MLLT6: variants seen among roughly 807,000 people sequenced by gnomAD.
MLLT6 encodes MLLT6, PHD finger containing.
A neutral mutation model predicts 103.0 loss-of-function variants in MLLT6; 22 were observed. The observed-to-expected ratio is 0.21, with a 90% CI of 0.15 to 0.31. The LOEUF (loss-of-function observed/expected upper bound fraction) is 0.31, where lower values mean the gene tolerates loss of function less well. Among genes scored for constraint, MLLT6 ranks in the 10% least tolerant of loss-of-function variants. The probability of loss-of-function intolerance (pLI) is 1.00; values close to 1 mark genes in which losing one functional copy is unlikely to be tolerated. For synonymous variants in MLLT6, 606 were observed against 623.5 expected, an observed-to-expected ratio of 0.97 and a Z score of 0.42; for missense variants, 1,199 against 1,441.7, an observed-to-expected ratio of 0.83 and a Z score of 2.73.
chr17:38,713,326 C>G, intron 8 of MLLT6: 1 of 395,664 alleles, frequency 2.5e-6, no homozygotes, highest in Non-Finnish European at 4.5e-6. Flanking sequence ...GGCCTGTCTC[C>G]AGAAATGGGC....
At chr17:38,708,788 G>A (rs761168542) in intron 4 of MLLT6, among the ~76,000 whole-genome samples, 9 of 152,182 alleles carry the variant, frequency 5.9e-5, no homozygotes, top group Admixed American at 3.9e-4. Context: ...CCAGCTACTC[G>A]GGAGGTTGAG....
Position 38,705,316 on chromosome 17 carries a change from G to C in MLLT6, c.-317G>C, listed in dbSNP as rs1158351982. ...CGCCGGGCTCGGGCTACGCGGCGGC[G>C]GGGCGGCCCTAGGAGCCGGGCGAGC... On this transcript the variant is annotated 5_prime_UTR_variant, in exon 1 of 20. Transcript: ENST00000621332. Among the ~76,000 whole-genome samples, 1 of 147,924 alleles carries C rather than the reference G, an allele frequency of 6.8e-6. No homozygotes were observed. Among genetic ancestry groups the C allele is most frequent in the Non-Finnish European group, 1.5e-5 (1 of 66,418 alleles).
rs181452858 is a variant in MLLT6, at chr17:38,709,828, C to T, written c.552+253C>T. 6.6e-6 allele frequency among the ~76,000 whole-genome samples: 1 copy of T among 152,332 alleles called. No individual in the cohort carries two copies. Among genetic ancestry groups the T allele is most frequent in the Non-Finnish European group, 1.5e-5 (1 of 68,038 alleles). ...CTGCCTGTCAGAGTCTAGGAGGCTT[C>T]AAGGAAGAGGTAGCATTTAAGCTGA... On this transcript the variant is annotated intron_variant, in intron 6 of 19. Transcript: ENST00000621332. The surrounding 1 kb of genome is among the most constrained non-coding windows in gnomAD (Gnocchi z 4.3).
chr17:38,711,758 C>G (rs1905147718), intron 6 of MLLT6, 89 bp from the exon 7 acceptor site: 2 of 1,433,312 alleles, frequency 1.4e-6, no homozygotes, highest in African/African-American at 2.9e-5. Flanking sequence ...TGGGGCTGAC[C>G]CCCAGGATCA....
chr17:38,725,785 T>C lies in MLLT6; in HGVS notation c.*187T>C. The C allele has an allele frequency of 3.6e-6, 2 of 551,214 alleles. No individual in the cohort carries two copies. The highest frequency in any genetic ancestry group is 6.3e-6 in the Non-Finnish European group (2 of 318,128). 34.1% of individuals were successfully genotyped at this position (551,214 alleles called of 1,614,324 possible). A position where few individuals can be genotyped will look rare whatever the true frequency, so the allele number is the denominator to read the frequency against. On this transcript the variant is annotated 3_prime_UTR_variant, in exon 20 of 20. Transcript: ENST00000621332. ...GAGACTGAGAGGGGAGCCCCCTCCA[T>C]CTGGCCCCCTTCCCTTTCCGCACTG...
At chr17:38,713,063 G>C (rs779279862) in intron 8 of MLLT6, 1 of 771,300 alleles carries the variant, frequency 1.3e-6, no homozygotes, top group Non-Finnish European at 2.4e-6. Context: ...CTGGGCTCTT[G>C]TCTGCAGAGA....
intron 16 of MLLT6, among the ~76,000 whole-genome samples, chr17:38,721,309 C>T (rs1905721487): frequency 6.6e-6 from 1 of 152,300 alleles, no homozygotes; most frequent in South Asian, 2.1e-4. Context: ...GCATTAATTG[C>T]ACACTTGCCC....
intron 19 of MLLT6, 93 bp downstream of exon 19, chr17:38,725,069 G>A (rs1361369615): frequency 1.1e-5 from 11 of 962,930 alleles, no homozygotes; most frequent in Non-Finnish European, 1.7e-5. Flanking sequence ...CCTCAGCAGG[G>A]GGAAGGAAGC....
In MLLT6 at chr17:38,705,762, G is replaced by T. The variant is rs767799926; in HGVS notation, c.109+21G>T. ...CCAAGGTACGGGGGTGGCCCGCGGG[G>T]GGCGGCGGGACCCCGGGGGCGGCGT... On this transcript the variant is annotated intron_variant, in intron 1 of 19. Coordinates refer to ENST00000621332, the MANE Select transcript of MLLT6 (RefSeq NM_005937.4). 2.3e-6 allele frequency: 3 copies of T among 1,294,346 alleles called. No homozygotes were observed. The South Asian group carries it at 7.0e-5, about 30-fold the overall frequency. 80.2% of individuals were successfully genotyped at this position (1,294,346 alleles called of 1,614,324 possible).
At chr17:38,706,671 G>A in intron 1 of MLLT6, 1 of 339,178 alleles carries the variant, frequency 2.9e-6, no homozygotes. Flanking sequence ...AAGAAGCTGG[G>A]AAACAAGTCC....
rs1375966747 is a variant in MLLT6 at position 38,726,316 on chromosome 17, C to T, written c.*718C>T. On this transcript the variant is annotated 3_prime_UTR_variant, in exon 20 of 20. Transcript: ENST00000621332. The stretch of plus-strand genomic sequence containing the variant: ...TTTGCACTATTGGACTTAGGAGTGC[C>T]GAGGGTGGGGAGATGGAGCTGCCCG... 1.7e-5 allele frequency: 4 copies of T among 233,710 alleles called. No homozygotes were observed. Among genetic ancestry groups the T allele is most frequent in the Non-Finnish European group, 2.5e-5 (3 of 118,530 alleles). The allele number at this position is 233,710 out of a possible 1,614,324, so 14.5% of individuals were successfully genotyped here. A position where few individuals can be genotyped will look rare whatever the true frequency, so the allele number is the denominator to read the frequency against.
chr17:38,717,832 C>A lies in MLLT6; in HGVS notation c.1834-13C>A. 6.3e-7 allele frequency: 1 copy of A among 1,594,786 alleles called. No homozygotes were observed. Among genetic ancestry groups the A allele is most frequent in the Non-Finnish European group, 8.6e-7 (1 of 1,162,700 alleles). On this transcript the variant is annotated splice_polypyrimidine_tract_variant and intron_variant, in intron 11 of 19. Coordinates refer to ENST00000621332, the MANE Select transcript of MLLT6 (RefSeq NM_005937.4). The stretch of plus-strand genomic sequence containing the variant: ...AAGAATAACCGCCAGGGGATTCTAC[C>A]TCCCTCCCTTAGGTGTTTTCTCTGG...
rs1905838037 is a variant in MLLT6 at position 38,722,853 on chromosome 17, G to A, written c.2883+85G>A. On this transcript the variant is annotated intron_variant, in intron 18 of 19. Coordinates refer to ENST00000621332, the MANE Select transcript of MLLT6 (RefSeq NM_005937.4). The stretch of plus-strand genomic sequence containing the variant: ...CAGAGGATCAGGGCCAGCCAGGAGA[G>A]GGCAGGAGCAGGCAGAGTGAGGGGA... The A allele has an allele frequency of 3.8e-6, 4 of 1,048,968 alleles. No individual in the cohort carries two copies. The East Asian group carries it at 9.8e-5, about 26-fold the overall frequency. The allele number at this position is 1,048,968 out of a possible 1,614,324, so 65.0% of individuals were successfully genotyped here.
chr17:38,719,115 C>T (rs1192026480), intron 12 of MLLT6: 2 of 268,746 alleles, frequency 7.4e-6, no homozygotes, highest in Admixed American at 4.9e-5. Flanking sequence ...CATTTATTAC[C>T]TTCTTTTAAT....
chr17:38,713,080 G>A (rs1368495888), intron 8 of MLLT6: 3 of 762,950 alleles, frequency 3.9e-6, no homozygotes, highest in East Asian at 2.4e-5. Flanking sequence ...GAGAGTGGGG[G>A]ACGGCACTCA....
Position 38,724,285 on chromosome 17 carries a change from A to G in MLLT6, c.2884-335A>G. 3 of 302,192 alleles carry G rather than the reference A, an allele frequency of 9.9e-6. No homozygotes were observed. The highest frequency in any genetic ancestry group is 5.0e-5 in the Admixed American group (1 of 19,918). The allele number at this position is 302,192 out of a possible 1,614,324, so 18.7% of individuals were successfully genotyped here. On this transcript the variant is annotated intron_variant, in intron 18 of 19. Transcript: ENST00000621332. The surrounding 1 kb of genome is among the most constrained non-coding windows in gnomAD (Gnocchi z 5.4). ...AAAGAAAAGAAAAGAAAAGAAAACT[A>G]TTGACCTAGTTTAGTGTTTTTCAAC...
Position 38,728,485 on chromosome 17 carries a change from T to C in MLLT6, c.*2887T>C, listed in dbSNP as rs1906154214. The C allele has an allele frequency of 1.3e-5, 3 of 233,076 alleles. No homozygotes were observed. The highest frequency in any genetic ancestry group is 2.5e-5 in the Non-Finnish European group (3 of 118,094). 14.4% of individuals were successfully genotyped at this position (233,076 alleles called of 1,614,324 possible). ...CCCACCCTCAGTGAGGAGGTGTGAGTGGGTGAGCATGTGGAGTTGGGTGTT... is the reference window on the plus strand; with the variant it reads ...CCCACCCTCAGTGAGGAGGTGTGAGCGGGTGAGCATGTGGAGTTGGGTGTT... On this transcript the variant is annotated 3_prime_UTR_variant, in exon 20 of 20. Transcript: ENST00000621332.
chr17:38,724,756 C>T lies in MLLT6; in HGVS notation c.3020C>T (p.Ala1007Val), dbSNP rs150198262. 3,927 of 1,609,128 alleles carry T rather than the reference C, an allele frequency of 2.4e-3. 11 individuals are homozygous for T. The highest frequency in any genetic ancestry group is 5.3e-3 in the Middle Eastern group (32 of 6,052). ...LAGSSTPLLS[A>V]GTPGLLPTAS... ...GGAAGCTCCACCCCGCTGCTGTCTGCGGGTACCCCTGGCCTGCTGCCCACA... is the reference window on the plus strand; with the variant it reads ...GGAAGCTCCACCCCGCTGCTGTCTGTGGGTACCCCTGGCCTGCTGCCCACA... The change falls in exon 19 of 20, where the codon GCG becomes GTG. Residue 1007 changes from alanine to valine, a missense_variant. Ala to Val is a moderately conservative substitution (Grantham distance 64, BLOSUM62 0). Around this residue, in one of 7 missense-constraint regions of MLLT6, gnomAD observed 1,034 missense variants for 1,091.5 expected, o/e 0.95. Coordinates refer to ENST00000621332, the MANE Select transcript of MLLT6 (RefSeq NM_005937.4). This position sits in a 1 kb window ranked among gnomAD's most constrained non-coding sequence, Gnocchi z 5.4.
chr17:38,719,745 C>T lies in MLLT6; in HGVS notation c.2010-5C>T, dbSNP rs776154143. The T allele has an allele frequency of 4.4e-6, 7 of 1,605,498 alleles. No individual in the cohort carries two copies. The highest frequency in any genetic ancestry group is 6.0e-6 in the Non-Finnish European group (7 of 1,174,528). Reference sequence around the variant, plus strand: ...CGACTGAACCCAGGTTCCCTCTGGCCGCAGGTCCCCCATCAGCAGCCTCCC... The same window carrying T: ...CGACTGAACCCAGGTTCCCTCTGGCTGCAGGTCCCCCATCAGCAGCCTCCC... On this transcript the variant is annotated splice_region_variant and splice_polypyrimidine_tract_variant and intron_variant, in intron 13 of 19. Transcript: ENST00000621332.
Sources: allele counts gnomAD v4.1 joint callset (sites outside exome capture counted in the v4.1 genomes callset), GRCh38; gene constraint gnomAD v4.1.1; regional missense constraint gnomAD v4.1.1; non-coding constraint Gnocchi (gnomAD v3.1); transcripts MANE v1.5; gene names NCBI Gene and HGNC (gene_info 2026-07-23, HGNC 2026-07-21).